The following KCNT2 variants were observed in gnomAD, a reference collection of about 807,000 sequenced individuals.
KCNT2 encodes potassium sodium-activated channel subfamily T member 2.
KCNT2 carries 67 observed loss-of-function variants against 153.8 expected under a neutral mutation model. The observed-to-expected ratio is 0.44, with a 90% CI of 0.36 to 0.53. The LOEUF (loss-of-function observed/expected upper bound fraction) is 0.53. Ranked by LOEUF, KCNT2 falls within the 20% of genes least tolerant of loss-of-function variation. The pLI, the probability that KCNT2 is intolerant of heterozygous loss-of-function variation, is 0.00. For missense variants in KCNT2, 975 were observed against 1,354.8 expected (o/e 0.72, Z 4.40); for synonymous variants, 500 against 458.8 (o/e 1.09, Z -1.15).
At chr1:196,458,762 T>A (rs1676899957) in intron 8 of KCNT2, among the ~76,000 whole-genome samples, 1 of 151,922 alleles carries the variant, frequency 6.6e-6, no homozygotes, top group Non-Finnish European at 1.5e-5. Flanking sequence ...AATGTCAATT[T>A]GTACAACAAA....
chr1:196,384,473 C>A (rs1224008090), intron 13 of KCNT2, among the ~76,000 whole-genome samples: 3 of 152,066 alleles, frequency 2.0e-5, no homozygotes, highest in Non-Finnish European at 4.4e-5. Context: ...GGGCGGATCA[C>A]TTGAGGTCAG....
At chr1:196,487,818 A>G (rs1262464452) in intron 3 of KCNT2, among the ~76,000 whole-genome samples, 1 of 151,990 alleles carries the variant, frequency 6.6e-6, no homozygotes, top group African/African-American at 2.4e-5. Flanking sequence ...ATAAAATAGA[A>G]GCATGTTCAT....
intron 12 of KCNT2, among the ~76,000 whole-genome samples, chr1:196,409,518 T>A (rs147602327): frequency 6.6e-6 from 1 of 151,760 alleles, no homozygotes; most frequent in African/African-American, 2.4e-5. Flanking sequence ...TAAATAATAT[T>A]TTTAAAATTT....
intron 13 of KCNT2, among the ~76,000 whole-genome samples, chr1:196,391,527 A>T (rs1286278692): frequency 6.6e-6 from 1 of 151,344 alleles, no homozygotes; most frequent in Non-Finnish European, 1.5e-5. Context: ...ATATACAACT[A>T]TAAAAAACAT....
At chr1:196,359,821 C>A (rs1667471541) in intron 14 of KCNT2, among the ~76,000 whole-genome samples, 1 of 151,672 alleles carries the variant, frequency 6.6e-6, no homozygotes, top group Non-Finnish European at 1.5e-5. Context: ...GCGGAAACCA[C>A]AAAGTATATT....
intron 26 of KCNT2, among the ~76,000 whole-genome samples, chr1:196,246,183 G>A (rs1655427744): frequency 6.6e-6 from 1 of 152,108 alleles, no homozygotes; most frequent in South Asian, 2.1e-4. Context: ...GGAGACAGTG[G>A]CATTATGTAT....
chr1:196,407,007 A>T (rs1671884396), intron 12 of KCNT2, among the ~76,000 whole-genome samples: 1 of 151,336 alleles, frequency 6.6e-6, no homozygotes, highest in Non-Finnish European at 1.5e-5. Context: ...CTCATTTTGT[A>T]CTCTTTCTGA....
chr1:196,605,655 A>G (rs1665235596), intron 1 of KCNT2, among the ~76,000 whole-genome samples: 1 of 152,194 alleles, frequency 6.6e-6, no homozygotes, highest in Admixed American at 6.5e-5. Flanking sequence ...CTCTATAAGA[A>G]TTGAGTCCAA....
At chr1:196,583,685 G>A (rs1171375975) in intron 1 of KCNT2, among the ~76,000 whole-genome samples, 27 of 151,746 alleles carry the variant, frequency 1.8e-4, no homozygotes, top group Admixed American at 1.8e-3. Context: ...TCAAGAGAAG[G>A]AAGTTTCAAG....
intron 22 of KCNT2, among the ~76,000 whole-genome samples, chr1:196,300,003 A>C (rs960695149): frequency 6.6e-6 from 1 of 152,246 alleles, no homozygotes; most frequent in African/African-American, 2.4e-5. Flanking sequence ...AAAATAAGCC[A>C]GGCACAGAAA....
chr1:196,337,769 A>G (rs1665178848), intron 16 of KCNT2, among the ~76,000 whole-genome samples: 1 of 152,060 alleles, frequency 6.6e-6, no homozygotes, highest in South Asian at 2.1e-4. Context: ...GCTCCTCCCA[A>G]AAATTAATTA....
chr1:196,247,594 T>C lies in KCNT2; in HGVS notation c.3211+10600A>G, dbSNP rs568650803. Among the ~76,000 whole-genome samples the C allele has an allele frequency of 8.5e-5, 13 of 152,208 alleles. No individual in the cohort carries two copies. The South Asian group carries it at 2.7e-3, about 32-fold the overall frequency. ...CATGGCAGAAGGGGAAGCAAACATA[T>C]CCTTCTTCACATGATGGCATGAAGG... On this transcript the variant is annotated intron_variant, in intron 26 of 27. Transcript: ENST00000294725.
chr1:196,590,583 G>A (rs1420582634), intron 1 of KCNT2, among the ~76,000 whole-genome samples: 3 of 152,116 alleles, frequency 2.0e-5, no homozygotes, highest in East Asian at 3.9e-4. Flanking sequence ...GATAATGTAG[G>A]ACATGCTCCT....
At position 196,319,491 on chromosome 1, in the gene KCNT2, T is replaced by A. The variant is rs1392749667; in HGVS notation, c.2341A>T (p.Ile781Phe). Residue 781 changes from isoleucine to phenylalanine, a missense_variant, in exon 20 of 28, where the codon ATT becomes TTT. Coordinates refer to ENST00000294725, the MANE Select transcript of KCNT2 (RefSeq NM_198503.5). Reference sequence around the variant, plus strand: ...AAAGATTTTGTCACCTACTTGTCAATAGAGCCCACCATGTAGTAAACCATT... The same window carrying A: ...AAAGATTTTGTCACCTACTTGTCAAAAGAGCCCACCATGTAGTAAACCATT... The part of the protein sequence containing the change: ...FPMVYYMVGS[I>F]DNLDDLLRCG... 1 of 1,609,402 alleles carries A rather than the reference T, an allele frequency of 6.2e-7. No individual in the cohort carries two copies. The highest frequency in any genetic ancestry group is 1.3e-5 in the African/African-American group (1 of 74,576).
At chr1:196,253,060 T>C (rs976725188) in intron 26 of KCNT2, among the ~76,000 whole-genome samples, 2 of 151,288 alleles carry the variant, frequency 1.3e-5, no homozygotes, top group African/African-American at 2.4e-5. Flanking sequence ...AATATTTATA[T>C]TGCTTGGGTT....
Position 196,521,952 on chromosome 1 carries a change from T to A in KCNT2, c.96-29611A>T, listed in dbSNP as rs149555266. 5.8e-3 allele frequency among the ~76,000 whole-genome samples: 877 copies of A among 152,148 alleles called. 9 individuals are homozygous for A. The highest frequency in any genetic ancestry group is 0.018 in the African/African-American group (762 of 41,496). ...TGTACCCCTGAACCTAAAATAAAAGTTTTTAAAAAGCACATTAAATTATAA... is the reference window on the plus strand; with the variant it reads ...TGTACCCCTGAACCTAAAATAAAAGATTTTAAAAAGCACATTAAATTATAA... On this transcript the variant is annotated intron_variant, in intron 1 of 27. Transcript: ENST00000294725.
At chr1:196,387,480 C>T (rs1227169750) in intron 13 of KCNT2, among the ~76,000 whole-genome samples, 1 of 151,870 alleles carries the variant, frequency 6.6e-6, no homozygotes, top group Non-Finnish European at 1.5e-5. Context: ...TTCCTTGATG[C>T]CTGCATTTTT....
At chr1:196,316,314 T>C (rs760127367) in intron 20 of KCNT2, among the ~76,000 whole-genome samples, 77 of 151,812 alleles carry the variant, frequency 5.1e-4, no homozygotes, top group Non-Finnish European at 5.9e-4. Flanking sequence ...ACATGAAATA[T>C]GGAATACATC....
At chr1:196,257,901 T>C (rs1656655578) in intron 26 of KCNT2, 1 of 971,898 alleles carries the variant, frequency 1.0e-6, no homozygotes, top group Non-Finnish European at 1.2e-6. Context: ...TCTTTACTTC[T>C]AACATGAAAA....
Sources: gnomAD v4.1 joint callset for allele counts (sites outside exome capture counted in the v4.1 genomes callset) on GRCh38, gnomAD v4.1.1 for gene constraint, MANE v1.5 for transcripts, NCBI Gene and HGNC (gene_info 2026-07-23, HGNC 2026-07-21) for gene names.